Variants in LIPC observed in about 807,000 individuals in gnomAD.
LIPC encodes the protein hepatic triacylglycerol lipase.
A neutral mutation model predicts 50.7 loss-of-function variants in LIPC; 44 were observed. That is an observed-to-expected ratio of 0.87 (90% confidence interval 0.68 to 1.11). The LOEUF (loss-of-function observed/expected upper bound fraction) is 1.11. Ranked by LOEUF, LIPC falls within the 50% of genes most tolerant of loss-of-function variation. The pLI is 0.00. For synonymous variants in LIPC, 271 were observed against 256.4 expected (o/e 1.06, Z -0.54); for missense variants, 697 against 648.2 (o/e 1.08, Z -0.82).
intron 1 of LIPC, among the ~76,000 whole-genome samples, chr15:58,535,497 T>C (rs1421628002): frequency 1.3e-5 from 2 of 152,202 alleles, no homozygotes; most frequent in African/African-American, 2.4e-5. Flanking sequence ...CTGTTTTCCA[T>C]GGTCTCTCCT....
At chr15:58,491,383 G>C (rs1891582110) in intron 1 of LIPC, among the ~76,000 whole-genome samples, 1 of 152,216 alleles carries the variant, frequency 6.6e-6, no homozygotes, top group Non-Finnish European at 1.5e-5. Flanking sequence ...CTTCTCTGAG[G>C]CTCAGTTTCC....
chr15:58,541,828 C>T lies in LIPC; in HGVS notation c.317C>T (p.Ala106Val), dbSNP rs182603751. The change falls in exon 3 of 9, where the codon GCG becomes GTG. Residue 106 changes from alanine to valine, a missense_variant. Physicochemically the swap from Ala to Val is moderately conservative, Grantham distance 64. Coordinates refer to ENST00000299022, the MANE Select transcript of LIPC (RefSeq NM_000236.3). ...LENWIWQMVAALKSQPAQPVN... is the reference protein window; with the variant it reads ...LENWIWQMVAVLKSQPAQPVN... ...AACTGGATCTGGCAGATGGTGGCCG[C>T]GCTGAAGTCTCAGCCGGCCCAGCCA... 164 of 1,613,328 alleles carry T rather than the reference C, an allele frequency of 1.0e-4. No individual in the cohort carries two copies. Among genetic ancestry groups the T allele is most frequent in the Admixed American group, 1.5e-4 (9 of 59,980 alleles).
chr15:58,548,564 C>A lies in LIPC; in HGVS notation c.1043C>A (p.Pro348His). ...TTCCTCGTAACGCGAGCCCAGTCCC[C>A]CTTCAAAGGTGAGTGTGGAGCTGGG... ...RLFLVTRAQS[P>H]FKVYHYQFKI... The change falls in exon 6 of 9, where the codon CCC becomes CAC. Residue 348 changes from proline to histidine, a missense_variant. By Grantham distance (77) the Pro-to-His change is moderately conservative. Transcript: ENST00000299022. The A allele has an allele frequency of 6.3e-7, 1 of 1,590,870 alleles. No homozygotes were observed. Among genetic ancestry groups the A allele is most frequent in the Non-Finnish European group, 8.5e-7 (1 of 1,169,602 alleles).
intron 1 of LIPC, among the ~76,000 whole-genome samples, chr15:58,457,072 C>T (rs1317026770): frequency 6.6e-6 from 1 of 152,096 alleles, no homozygotes; most frequent in Non-Finnish European, 1.5e-5. Flanking sequence ...CAGCACTGGG[C>T]GATGTGGGCT....
At chr15:58,545,441 C>T (rs575985186) in intron 4 of LIPC, among the ~76,000 whole-genome samples, 17 of 152,288 alleles carry the variant, frequency 1.1e-4, no homozygotes, top group African/African-American at 4.1e-4. Flanking sequence ...GATGGGGTTT[C>T]ACTATGCTGC....
chr15:58,510,836 C>T (rs539356578), intron 1 of LIPC, among the ~76,000 whole-genome samples: 5 of 152,354 alleles, frequency 3.3e-5, no homozygotes, highest in East Asian at 3.9e-4. Flanking sequence ...GATCATAACA[C>T]GTCCTGAAAG....
intron 1 of LIPC, chr15:58,494,829 TTTC>T: frequency 2.2e-6 from 1 of 456,278 alleles, no homozygotes; most frequent in Non-Finnish European, 4.4e-6. Flanking sequence ...AAATGATCTG[TTTC>T]TTCATCTGAA....
intron 1 of LIPC, among the ~76,000 whole-genome samples, chr15:58,472,921 G>C (rs1159086182): frequency 6.6e-6 from 1 of 152,178 alleles, no homozygotes; most frequent in Non-Finnish European, 1.5e-5. Context: ...GACTACGGCT[G>C]TTACTAAGAG....
intron 1 of LIPC, among the ~76,000 whole-genome samples, chr15:58,473,119 C>T (rs1226811799): frequency 6.6e-6 from 1 of 152,074 alleles, no homozygotes; most frequent in East Asian, 1.9e-4. Context: ...CCTCATGCCT[C>T]AACCAAGGAT....
At chr15:58,465,510 C>T (rs1367919003) in intron 1 of LIPC, among the ~76,000 whole-genome samples, 2 of 152,140 alleles carry the variant, frequency 1.3e-5, no homozygotes, top group Non-Finnish European at 2.9e-5. Flanking sequence ...ACATGACTGA[C>T]ATGTAGGGCT....
chr15:58,511,842 A>G (rs1892338484), intron 1 of LIPC, among the ~76,000 whole-genome samples: 1 of 152,168 alleles, frequency 6.6e-6, no homozygotes. Flanking sequence ...TTCTGGTACA[A>G]CCACACGTTA....
chr15:58,475,704 G>C (rs1890972479), intron 1 of LIPC, among the ~76,000 whole-genome samples: 1 of 152,226 alleles, frequency 6.6e-6, no homozygotes, highest in African/African-American at 2.4e-5. Flanking sequence ...GCCAGGCCTT[G>C]TGCAATGAAT....
chr15:58,550,900 G>A (rs1407655314), intron 6 of LIPC, among the ~76,000 whole-genome samples: 1 of 123,562 alleles, frequency 8.1e-6, no homozygotes, highest in Non-Finnish European at 1.6e-5. Flanking sequence ...GCAGTGGCGT[G>A]ATCTTGGCTC....
chr15:58,483,297 C>A (rs1405204613), intron 1 of LIPC, among the ~76,000 whole-genome samples: 1 of 152,168 alleles, frequency 6.6e-6, no homozygotes, highest in African/African-American at 2.4e-5. Context: ...CCCTTGGTAA[C>A]AAAAGTTACC....
intron 8 of LIPC, among the ~76,000 whole-genome samples, chr15:58,567,423 C>T (rs1400698946): frequency 1.4e-5 from 2 of 147,768 alleles, no homozygotes; most frequent in Non-Finnish European, 3.0e-5. Context: ...TACATTATCA[C>T]ATGTTTAAAT....
chr15:58,465,735 C>G (rs547319549), intron 1 of LIPC, among the ~76,000 whole-genome samples: 15 of 152,254 alleles, frequency 9.9e-5, no homozygotes, highest in Admixed American at 7.9e-4. Context: ...AAGCTTGGAC[C>G]CGTCCTGGGA....
chr15:58,536,249 C>T (rs933802278), intron 1 of LIPC, among the ~76,000 whole-genome samples: 1 of 152,010 alleles, frequency 6.6e-6, no homozygotes, highest in African/African-American at 2.4e-5. Context: ...GCAAAGGTAC[C>T]GGCATCCAAA....
chr15:58,434,094 G>A (rs1025816525), intron 1 of LIPC, among the ~76,000 whole-genome samples: 5 of 151,982 alleles, frequency 3.3e-5, no homozygotes, highest in African/African-American at 1.2e-4. Flanking sequence ...GTTAAGACCA[G>A]GGAGAGAGTG....
chr15:58,494,995 C>G, intron 1 of LIPC: 1 of 408,786 alleles, frequency 2.4e-6, no homozygotes, highest in Non-Finnish European at 4.9e-6. Flanking sequence ...ACCGTTCCAC[C>G]GGTCCTTCCC....
Sources: gnomAD v4.1 joint callset for allele counts (sites outside exome capture counted in the v4.1 genomes callset) on GRCh38, gnomAD v4.1.1 for gene constraint, MANE v1.5 for transcripts, NCBI Gene and HGNC (gene_info 2026-07-23, HGNC 2026-07-21) for gene names.